AFF3: variants seen among roughly 807,000 people sequenced by gnomAD.
The protein encoded by AFF3 is AF4/FMR2 family member 3.
In AFF3, 32 loss-of-function variants were observed where a neutral mutation model predicts 129.7. The ratio of observed to expected loss-of-function variants is 0.25; its 90% CI spans 0.19 to 0.33. The LOEUF (loss-of-function observed/expected upper bound fraction) is 0.33, where lower values mean the gene tolerates loss of function less well. Among genes scored for constraint, AFF3 ranks in the 10% least tolerant of loss-of-function variants. The probability of loss-of-function intolerance (pLI) is 1.00; values close to 1 mark genes in which losing one functional copy is unlikely to be tolerated. For missense variants in AFF3, 1,373 were observed against 1,592.0 expected (o/e 0.86, Z 2.34); for synonymous variants, 644 against 635.4 (o/e 1.01, Z -0.20).
At chr2:99,777,734 A>G (rs1466639073) in intron 8 of AFF3, among the ~76,000 whole-genome samples, 1 of 151,730 alleles carries the variant, frequency 6.6e-6, no homozygotes, top group African/African-American at 2.4e-5. Flanking sequence ...CCTCTATGAA[A>G]ATGCTCTGAA....
chr2:99,641,783 G>T (rs901507122), intron 13 of AFF3, among the ~76,000 whole-genome samples: 3 of 152,100 alleles, frequency 2.0e-5, no homozygotes, highest in African/African-American at 7.2e-5. Context: ...CAAGAGAGTC[G>T]TCGCGAGGAC....
intron 20 of AFF3, among the ~76,000 whole-genome samples, chr2:99,560,739 G>A (rs1457931740): frequency 1.3e-5 from 2 of 152,178 alleles, no homozygotes; most frequent in Non-Finnish European, 2.9e-5. Context: ...ATGCTAACAT[G>A]TCCATTTTTC....
chr2:99,552,696 AGAG>A (rs969113831), intron 24 of AFF3, among the ~76,000 whole-genome samples: 59 of 152,098 alleles, frequency 3.9e-4, no homozygotes, highest in African/African-American at 1.3e-3. Flanking sequence ...GGGGTAGAAC[AGAG>A]GAGGAGGAGC....
intron 11 of AFF3, among the ~76,000 whole-genome samples, chr2:99,695,029 A>C (rs1388532568): frequency 6.6e-6 from 1 of 152,090 alleles, no homozygotes; most frequent in Non-Finnish European, 1.5e-5. Context: ...TTTAATTATT[A>C]ATTTAAATAA....
chr2:99,838,948 G>A (rs990072500), intron 7 of AFF3, among the ~76,000 whole-genome samples: 2 of 152,078 alleles, frequency 1.3e-5, no homozygotes, highest in Non-Finnish European at 2.9e-5. Context: ...TGAGTTAGGC[G>A]CCAGGCTGAA....
At chr2:99,895,810 T>TG (rs1693893279) in intron 7 of AFF3, among the ~76,000 whole-genome samples, 2 of 152,246 alleles carry the variant, frequency 1.3e-5, no homozygotes, top group African/African-American at 4.8e-5. Flanking sequence ...GGCTCACGCC[T>TG]GGAATCCCAA....
At chr2:99,897,736 C>G (rs1168859520) in intron 7 of AFF3, among the ~76,000 whole-genome samples, 2 of 152,146 alleles carry the variant, frequency 1.3e-5, no homozygotes, top group Non-Finnish European at 2.9e-5. Flanking sequence ...ACAGTCCTTT[C>G]TGATAAGATC....
chr2:99,682,477 G>C (rs1038169900), intron 11 of AFF3, among the ~76,000 whole-genome samples: 3 of 152,216 alleles, frequency 2.0e-5, no homozygotes, highest in Admixed American at 1.3e-4. Flanking sequence ...GAATTCTTCA[G>C]TAGTTGTTTT....
At chr2:99,608,328 C>A (rs1005175469) in intron 13 of AFF3, among the ~76,000 whole-genome samples, 1 of 152,200 alleles carries the variant, frequency 6.6e-6, no homozygotes, top group Non-Finnish European at 1.5e-5. Context: ...CTCCCCTAGG[C>A]ATCAATGATG....
At chr2:99,970,299 CCT>C (rs1206117188) in intron 7 of AFF3, among the ~76,000 whole-genome samples, 2 of 152,262 alleles carry the variant, frequency 1.3e-5, no homozygotes, top group African/African-American at 2.4e-5. Flanking sequence ...GACCCTCTCC[CCT>C]GACCATCCTT....
intron 4 of AFF3, among the ~76,000 whole-genome samples, chr2:100,082,149 A>AT (rs1356989296): frequency 6.6e-6 from 1 of 152,140 alleles, no homozygotes; most frequent in East Asian, 1.9e-4. Context: ...TCATTATGAG[A>AT]TTTTCTCATC....
intron 15 of AFF3, among the ~76,000 whole-genome samples, chr2:99,589,407 T>TG (rs1462289788): frequency 6.8e-6 from 1 of 146,530 alleles, no homozygotes; most frequent in East Asian, 2.0e-4. Context: ...ATTTTTTTTT[T>TG]TTTTTTTTTT....
chr2:100,045,179 G>C (rs146238413), intron 4 of AFF3, among the ~76,000 whole-genome samples: 18 of 152,212 alleles, frequency 1.2e-4, no homozygotes, highest in African/African-American at 4.3e-4. Context: ...AGGGTGAGGA[G>C]CTGGCCGTTT....
Position 99,892,273 on chromosome 2 carries a change from T to C in AFF3, c.874-54749A>G, listed in dbSNP as rs903349823. Reference sequence around the variant, plus strand: ...AAACATATTAAGCCATTTTTATTCATTGTTACATTTAGTTTTCATTACAAA... The same window carrying C: ...AAACATATTAAGCCATTTTTATTCACTGTTACATTTAGTTTTCATTACAAA... On this transcript the variant is annotated intron_variant, in intron 7 of 24. Coordinates refer to ENST00000672756, the MANE Select transcript of AFF3 (RefSeq NM_001386135.1). Among the ~76,000 whole-genome samples the C allele has an allele frequency of 2.6e-5, 4 of 152,244 alleles. No individual in the cohort carries two copies. In the East Asian group the frequency reaches 5.8e-4, roughly 22 times the overall value.
intron 7 of AFF3, among the ~76,000 whole-genome samples, chr2:99,974,812 C>T (rs1447952102): frequency 6.6e-6 from 1 of 152,182 alleles, no homozygotes; most frequent in East Asian, 1.9e-4. Context: ...TCCCAGTGCA[C>T]CCACTGGTGC....
intron 16 of AFF3, among the ~76,000 whole-genome samples, chr2:99,585,357 C>G (rs1435600055): frequency 6.6e-6 from 1 of 152,094 alleles, no homozygotes; most frequent in Non-Finnish European, 1.5e-5. Flanking sequence ...TTGGCAATCC[C>G]CTTCTCTTGG....
chr2:99,785,882 G>A (rs1354239298), intron 8 of AFF3, among the ~76,000 whole-genome samples: 1 of 152,090 alleles, frequency 6.6e-6, no homozygotes, highest in Non-Finnish European at 1.5e-5. Context: ...CGGGTAGCTG[G>A]GATTACAGGC....
intron 2 of AFF3, among the ~76,000 whole-genome samples, chr2:100,127,991 C>G (rs139966383): frequency 1.6e-4 from 24 of 152,252 alleles, no homozygotes; most frequent in African/African-American, 5.5e-4. Context: ...CTAAATCCCA[C>G]CAAAACCAAG....
intron 4 of AFF3, among the ~76,000 whole-genome samples, chr2:100,021,390 A>T (rs1445552654): frequency 1.3e-5 from 2 of 152,232 alleles, no homozygotes; most frequent in African/African-American, 2.4e-5. Flanking sequence ...TATAAGATAC[A>T]TTAAAAATAT....
Sources: allele counts gnomAD v4.1 joint callset (sites outside exome capture counted in the v4.1 genomes callset), GRCh38; gene constraint gnomAD v4.1.1; transcripts MANE v1.5; gene names NCBI Gene and HGNC (gene_info 2026-07-23, HGNC 2026-07-21).